Variants in CSMD1 observed in about 807,000 individuals in gnomAD.
CSMD1 encodes the protein CUB and sushi domain-containing protein 1.
A neutral mutation model predicts 417.5 loss-of-function variants in CSMD1; 213 were observed. That is an observed-to-expected ratio of 0.51 (90% confidence interval 0.46 to 0.57). CSMD1 has a LOEUF of 0.57. CSMD1 is among the 20% of genes least tolerant of loss of function. The pLI, the probability that CSMD1 is intolerant of heterozygous loss-of-function variation, is 0.00. For missense variants in CSMD1, 6,923 were observed against 4,529.7 expected, an observed-to-expected ratio of 1.53 and a Z score of -15.17; for synonymous variants, 2,862 against 1,736.8, an observed-to-expected ratio of 1.65 and a Z score of -16.11.
chr8:4,142,693 C>T (rs535125585), intron 3 of CSMD1, among the ~76,000 whole-genome samples: 2 of 151,126 alleles, frequency 1.3e-5, no homozygotes, highest in East Asian at 3.9e-4. Flanking sequence ...TATTGGGTGG[C>T]TGAGGTTTAG....
intron 3 of CSMD1, among the ~76,000 whole-genome samples, chr8:4,393,135 C>G (rs1056864333): frequency 2.0e-5 from 3 of 151,916 alleles, no homozygotes; most frequent in African/African-American, 7.2e-5. Flanking sequence ...GCCACCACGC[C>G]CGACTAATTT....
intron 1 of CSMD1, among the ~76,000 whole-genome samples, chr8:4,962,940 G>A (rs892464981): frequency 2.0e-5 from 3 of 152,134 alleles, no homozygotes; most frequent in South Asian, 4.1e-4. Context: ...TGAGAGATGG[G>A]AGGAGAACAT....
chr8:3,742,835 T>C (rs1004849866), intron 6 of CSMD1, among the ~76,000 whole-genome samples: 6 of 152,190 alleles, frequency 3.9e-5, no homozygotes, highest in Admixed American at 6.5e-5. Context: ...AGACCCAACT[T>C]CTTCACTGTG....
At chr8:3,742,695 C>A (rs975812163) in intron 6 of CSMD1, among the ~76,000 whole-genome samples, 1 of 151,732 alleles carries the variant, frequency 6.6e-6, no homozygotes, top group African/African-American at 2.4e-5. Context: ...CCAGTTTAAT[C>A]ACCTGAGAAG....
chr8:2,986,669 T>C (rs1805938182), intron 54 of CSMD1, among the ~76,000 whole-genome samples: 1 of 152,016 alleles, frequency 6.6e-6, no homozygotes, highest in African/African-American at 2.4e-5. Flanking sequence ...CACGCCCAGC[T>C]AATTTTTTGT....
At chr8:4,605,595 T>A (rs984914834) in intron 2 of CSMD1, among the ~76,000 whole-genome samples, 1 of 152,250 alleles carries the variant, frequency 6.6e-6, no homozygotes, top group African/African-American at 2.4e-5. Context: ...AAATCATGAA[T>A]AGTCAATAAA....
At chr8:3,886,061 ATTTT>A (rs573038381) in intron 5 of CSMD1, among the ~76,000 whole-genome samples, 1 of 151,686 alleles carries the variant, frequency 6.6e-6, no homozygotes, top group Non-Finnish European at 1.5e-5. Flanking sequence ...ATTTATTATT[ATTTT>A]TTTGAGACAG....
chr8:4,742,092 G>A lies in CSMD1; in HGVS notation c.86-104534C>T, dbSNP rs538763071. Among the ~76,000 whole-genome samples the A allele has an allele frequency of 1.6e-4, 20 of 127,818 alleles. No individual in the cohort carries two copies. The South Asian group carries it at 4.6e-3, about 30-fold the overall frequency. The allele number at this position is 127,818 out of a possible 152,430, so 83.9% of individuals were successfully genotyped here. On this transcript the variant is annotated intron_variant, in intron 1 of 69. Coordinates refer to ENST00000635120, the MANE Select transcript of CSMD1 (RefSeq NM_033225.6). ...GTCGCCCAGGCTGGAGTGCAGTGGC[G>A]CAATCTCGGCTCACTGCAAGCTCCG...
intron 3 of CSMD1, among the ~76,000 whole-genome samples, chr8:4,393,139 C>A (rs948511432): frequency 2.6e-5 from 4 of 151,992 alleles, no homozygotes; most frequent in African/African-American, 9.7e-5. Context: ...CCACGCCCGA[C>A]TAATTTTTGT....
At chr8:3,498,586 G>A (rs1053800081) in intron 10 of CSMD1, among the ~76,000 whole-genome samples, 2 of 152,052 alleles carry the variant, frequency 1.3e-5, no homozygotes, top group African/African-American at 4.8e-5. Context: ...TTATTATATA[G>A]ATATCCTACA....
chr8:3,384,899 T>C lies in CSMD1; in HGVS notation c.2782+2595A>G, dbSNP rs1197742155. Among the ~76,000 whole-genome samples the C allele has an allele frequency of 5.7e-5, 7 of 121,854 alleles. No homozygotes were observed. In the East Asian group the frequency reaches 1.3e-3, roughly 23 times the overall value. 79.9% of individuals were successfully genotyped at this position (121,854 alleles called of 152,430 possible). ...TATATATGCAAATATATAATATATA[T>C]TATATATGCTTATATATTACATATG... On this transcript the variant is annotated intron_variant, in intron 18 of 69. Transcript: ENST00000635120.
At chr8:3,471,863 T>G (rs962212103) in intron 11 of CSMD1, among the ~76,000 whole-genome samples, 1 of 152,162 alleles carries the variant, frequency 6.6e-6, no homozygotes, top group Non-Finnish European at 1.5e-5. Flanking sequence ...AAGAAGAATG[T>G]GGGCATAGCC....
intron 11 of CSMD1, among the ~76,000 whole-genome samples, chr8:3,486,489 T>A (rs1191883750): frequency 1.3e-5 from 2 of 152,214 alleles, no homozygotes; most frequent in Non-Finnish European, 2.9e-5. Context: ...AAGAGATTCC[T>A]GGGTCTTTTG....
intron 23 of CSMD1, among the ~76,000 whole-genome samples, chr8:3,314,655 A>C (rs1389119990): frequency 6.6e-6 from 1 of 152,252 alleles, no homozygotes; most frequent in East Asian, 1.9e-4. Flanking sequence ...TGTTCTAATC[A>C]AAACAAGCTC....
intron 5 of CSMD1, among the ~76,000 whole-genome samples, chr8:3,833,132 C>G (rs569326172): frequency 2.0e-5 from 3 of 152,104 alleles, no homozygotes; most frequent in African/African-American, 7.2e-5. Context: ...GCATGTCAAA[C>G]GATCAACTTC....
chr8:3,817,468 A>G (rs1801451772), intron 5 of CSMD1, among the ~76,000 whole-genome samples: 1 of 150,714 alleles, frequency 6.6e-6, no homozygotes, highest in Admixed American at 6.6e-5. Context: ...TTTAGTAGAG[A>G]CGGGGTTTCA....
chr8:3,149,427 G>C (rs1450486003), intron 40 of CSMD1, among the ~76,000 whole-genome samples: 1 of 152,074 alleles, frequency 6.6e-6, no homozygotes, highest in East Asian at 1.9e-4. Flanking sequence ...TGTTGTTGTT[G>C]TTTATCACGT....
At chr8:3,194,978 C>T (rs60510687) in intron 33 of CSMD1, among the ~76,000 whole-genome samples, 6,985 of 152,030 alleles carry the variant, frequency 0.046, 294 homozygotes, top group African/African-American at 0.11. Flanking sequence ...CTGGGCACTG[C>T]GGAAGGGGTT....
intron 3 of CSMD1, among the ~76,000 whole-genome samples, chr8:4,139,314 A>G (rs1585400754): frequency 6.6e-6 from 1 of 152,226 alleles, no homozygotes; most frequent in Admixed American, 6.5e-5. Context: ...CGTTATACTT[A>G]TACGAAAATT....
Sources: gnomAD v4.1 joint callset for allele counts (sites outside exome capture counted in the v4.1 genomes callset) on GRCh38, gnomAD v4.1.1 for gene constraint, MANE v1.5 for transcripts, NCBI Gene and HGNC (gene_info 2026-07-23, HGNC 2026-07-21) for gene names.